Variants in MACROD2 observed in about 807,000 individuals in gnomAD.
MACROD2 encodes the protein mono-ADP ribosylhydrolase 2.
MACROD2 carries 36 observed loss-of-function variants against 70.4 expected under a neutral mutation model. The ratio of observed to expected loss-of-function variants is 0.51; its 90% confidence interval spans 0.39 to 0.68. MACROD2 has a LOEUF of 0.68. Among genes scored for constraint, MACROD2 ranks in the 30% least tolerant of loss-of-function variants. The probability of loss-of-function intolerance (pLI) is 0.00; values close to 1 mark genes in which losing one functional copy is unlikely to be tolerated. For synonymous variants in MACROD2, 172 were observed against 178.8 expected (o/e 0.96, Z 0.30); for missense variants, 496 against 538.4 (o/e 0.92, Z 0.78).
intron 6 of MACROD2, among the ~76,000 whole-genome samples, chr20:15,412,890 A>AT (rs1302184790): frequency 6.6e-6 from 1 of 152,242 alleles, no homozygotes; most frequent in African/African-American, 2.4e-5. Flanking sequence ...ATAGGGAGTC[A>AT]TTACATACTT....
At chr20:15,543,669 G>T (rs985635650) in intron 8 of MACROD2, among the ~76,000 whole-genome samples, 22 of 152,042 alleles carry the variant, frequency 1.4e-4, no homozygotes, top group African/African-American at 5.3e-4. Flanking sequence ...GTAAGCACTT[G>T]CAAATTATGT....
intron 3 of MACROD2, among the ~76,000 whole-genome samples, chr20:14,160,287 G>A (rs2055166166): frequency 6.6e-6 from 1 of 152,114 alleles, no homozygotes; most frequent in South Asian, 2.1e-4. Context: ...GTAGTTTGGG[G>A]GAAAATTGGT....
At chr20:15,655,128 C>CGTGTGTGTGTTGTGTGTATGTAT (rs2049708811) in intron 8 of MACROD2, among the ~76,000 whole-genome samples, 1 of 150,880 alleles carries the variant, frequency 6.6e-6, no homozygotes, top group African/African-American at 2.4e-5. Flanking sequence ...TATGTGTGTG[C>CGTGTGTGTGTTGTGTGTATGTAT]GTGTGTGTGT....
intron 3 of MACROD2, among the ~76,000 whole-genome samples, chr20:14,344,052 A>G (rs2083041004): frequency 6.6e-6 from 1 of 152,100 alleles, no homozygotes; most frequent in Admixed American, 6.6e-5. Flanking sequence ...TTCTCCTTGT[A>G]TTGGAGATTA....
In MACROD2 at chr20:16,026,666, G is replaced by A. The variant is rs202174978; in HGVS notation, c.1154-14535G>A. ...CTGGAGAAGTCATGCCACTTCTCTG[G>A]GGTCCTCTGTTCACATCTCTAAGGG... On this transcript the variant is annotated intron_variant, in intron 15 of 17. Transcript: ENST00000684519. Among the ~76,000 whole-genome samples the A allele has an allele frequency of 4.6e-5, 7 of 152,292 alleles. No homozygotes were observed. The East Asian group carries it at 1.4e-3, about 29-fold the overall frequency.
chr20:14,430,907 C>T (rs2083987976), intron 3 of MACROD2, among the ~76,000 whole-genome samples: 1 of 152,254 alleles, frequency 6.6e-6, no homozygotes, highest in Middle Eastern at 3.4e-3. Context: ...CAGCCAGAGT[C>T]TCAGACTTTT....
chr20:15,594,101 G>A (rs1455670590), intron 8 of MACROD2, among the ~76,000 whole-genome samples: 1 of 152,196 alleles, frequency 6.6e-6, no homozygotes, highest in African/African-American at 2.4e-5. Context: ...ATAATCAAGA[G>A]TGTGGGCATT....
chr20:15,433,766 T>C lies in MACROD2; in HGVS notation c.571+2331T>C, dbSNP rs1316161773. ...GTAATATTAAGCAAAAAAAAAAATCTGGAGGCATGACATTACTCAACTTCA... is the reference window on the plus strand; with the variant it reads ...GTAATATTAAGCAAAAAAAAAAATCCGGAGGCATGACATTACTCAACTTCA... On this transcript the variant is annotated intron_variant, in intron 7 of 17. Transcript: ENST00000684519. Among the ~76,000 whole-genome samples the C allele has an allele frequency of 4.2e-5, 6 of 143,278 alleles. No individual in the cohort carries two copies. In the East Asian group the frequency reaches 1.2e-3, roughly 28 times the overall value. The allele number at this position is 143,278 out of a possible 152,430, so 94.0% of individuals were successfully genotyped here. A position where few individuals can be genotyped will look rare whatever the true frequency, so the allele number is the denominator to read the frequency against.
At chr20:14,069,440 A>G (rs1296156753) in intron 2 of MACROD2, among the ~76,000 whole-genome samples, 3 of 151,798 alleles carry the variant, frequency 2.0e-5, no homozygotes, top group Non-Finnish European at 4.4e-5. Context: ...TTTACAACAC[A>G]GTATATTTGT....
intron 8 of MACROD2, among the ~76,000 whole-genome samples, chr20:15,770,359 C>T (rs1423530001): frequency 1.3e-5 from 2 of 151,966 alleles, no homozygotes; most frequent in South Asian, 2.1e-4. Flanking sequence ...ACATAAAGAT[C>T]GTTGAATCAG....
intron 5 of MACROD2, among the ~76,000 whole-genome samples, chr20:15,066,436 C>T (rs1023572468): frequency 1.3e-5 from 2 of 152,028 alleles, no homozygotes; most frequent in African/African-American, 4.8e-5. Flanking sequence ...GCCCAGCCAA[C>T]AAGAGCTGCT....
intron 8 of MACROD2, among the ~76,000 whole-genome samples, chr20:15,550,424 G>T (rs1217364077): frequency 6.6e-6 from 1 of 151,850 alleles, no homozygotes. Context: ...ATTTATAGAT[G>T]ATATTATTCC....
chr20:15,918,736 C>T (rs1339145809), intron 10 of MACROD2, among the ~76,000 whole-genome samples: 1 of 152,202 alleles, frequency 6.6e-6, no homozygotes, highest in Non-Finnish European at 1.5e-5. Flanking sequence ...TAAGATTGTT[C>T]TCCTGCAGTC....
intron 6 of MACROD2, among the ~76,000 whole-genome samples, chr20:15,415,510 T>C (rs1252649619): frequency 1.3e-5 from 2 of 152,178 alleles, no homozygotes; most frequent in African/African-American, 4.8e-5. Context: ...CCACACACTT[T>C]AAAGGAATAT....
In MACROD2 at chr20:14,818,426, C is replaced by G. The variant is rs553092133; in HGVS notation, c.418+133467C>G. 8.0e-4 allele frequency among the ~76,000 whole-genome samples: 121 copies of G among 152,132 alleles called. 3 individuals are homozygous for G. The highest frequency in any genetic ancestry group is 1.2e-3 in the Admixed American group (19 of 15,262). On this transcript the variant is annotated intron_variant, in intron 5 of 17. Transcript: ENST00000684519. Reference sequence around the variant, plus strand: ...GTCTTAGCCCGCTGGTCTCTGAGTACCCCCCTGAAGATGCATTCATATAGA... The same window carrying G: ...GTCTTAGCCCGCTGGTCTCTGAGTAGCCCCCTGAAGATGCATTCATATAGA...
chr20:14,819,490 T>C (rs2072815093), intron 5 of MACROD2, among the ~76,000 whole-genome samples: 1 of 151,588 alleles, frequency 6.6e-6, no homozygotes, highest in Non-Finnish European at 1.5e-5. Context: ...AGCTAGGCAA[T>C]GTGAGTACCA....
At chr20:14,154,389 CTTTT>C (rs1183052263) in intron 3 of MACROD2, among the ~76,000 whole-genome samples, 1 of 136,428 alleles carries the variant, frequency 7.3e-6, no homozygotes, top group Non-Finnish European at 1.6e-5. Context: ...CTTTTCTTTT[CTTTT>C]TTTTTTTTTT....
At chr20:14,667,262 A>T (rs1199967922) in intron 4 of MACROD2, among the ~76,000 whole-genome samples, 37 of 152,130 alleles carry the variant, frequency 2.4e-4, no homozygotes, top group Admixed American at 2.4e-3. Context: ...TTGCATTGCT[A>T]GCCAGCACTC....
At chr20:14,583,418 A>G (rs533176782) in intron 4 of MACROD2, among the ~76,000 whole-genome samples, 5 of 152,296 alleles carry the variant, frequency 3.3e-5, no homozygotes, top group East Asian at 1.9e-4. Context: ...GCAGGTCCCA[A>G]TGGATTCAAG....
Sources: allele counts gnomAD v4.1 joint callset (sites outside exome capture counted in the v4.1 genomes callset), GRCh38; gene constraint gnomAD v4.1.1; transcripts MANE v1.5; gene names NCBI Gene and HGNC (gene_info 2026-07-23, HGNC 2026-07-21).